NOVA1: variants seen among roughly 807,000 people sequenced by gnomAD.
The protein encoded by NOVA1 is RNA-binding protein Nova-1.
A neutral mutation model predicts 38.0 loss-of-function variants in NOVA1; 7 were observed. The ratio of observed to expected loss-of-function variants is 0.18; its 90% confidence interval spans 0.10 to 0.35. The LOEUF (loss-of-function observed/expected upper bound fraction) is 0.35, where lower values mean the gene tolerates loss of function less well. NOVA1 is among the 10% of genes least tolerant of loss of function. NOVA1 has a pLI of 1.00. For missense variants in NOVA1, 460 were observed against 616.0 expected, an observed-to-expected ratio of 0.75 and a Z score of 2.68; for synonymous variants, 270 against 232.5, an observed-to-expected ratio of 1.16 and a Z score of -1.47.
intron 4 of NOVA1, among the ~76,000 whole-genome samples, chr14:26,462,129 C>T (rs559570661): frequency 1.4e-4 from 22 of 151,944 alleles, no homozygotes; most frequent in Non-Finnish European, 2.8e-4. Flanking sequence ...TAGTCTACAG[C>T]AGTATACAAT....
At chr14:26,539,652 G>C (rs1476336727) in intron 2 of NOVA1, among the ~76,000 whole-genome samples, 1 of 152,014 alleles carries the variant, frequency 6.6e-6, no homozygotes, top group East Asian at 1.9e-4. Context: ...ATTAATCAAA[G>C]CATTCAAAGT....
chr14:26,581,633 T>G (rs1893230218), intron 2 of NOVA1, among the ~76,000 whole-genome samples: 1 of 152,024 alleles, frequency 6.6e-6, no homozygotes, highest in East Asian at 1.9e-4. Flanking sequence ...ATTACTATTT[T>G]CCTTTCAATG....
At chr14:26,533,844 G>A (rs1470093208) in intron 2 of NOVA1, among the ~76,000 whole-genome samples, 3 of 152,126 alleles carry the variant, frequency 2.0e-5, no homozygotes, top group Non-Finnish European at 2.9e-5. Context: ...TCTTGATAGA[G>A]TGGACAACTC....
At chr14:26,559,673 T>C (rs1190212783) in intron 2 of NOVA1, among the ~76,000 whole-genome samples, 1 of 152,158 alleles carries the variant, frequency 6.6e-6, no homozygotes. Flanking sequence ...CACTCATATG[T>C]GAGAGCTACA....
At chr14:26,551,075 T>C (rs549688136) in intron 2 of NOVA1, among the ~76,000 whole-genome samples, 3 of 152,068 alleles carry the variant, frequency 2.0e-5, no homozygotes, top group African/African-American at 7.2e-5. Flanking sequence ...AAAATAAAAA[T>C]ACATGAGTCC....
intron 2 of NOVA1, among the ~76,000 whole-genome samples, chr14:26,536,512 T>TA (rs1890108871): frequency 6.6e-6 from 1 of 151,856 alleles, no homozygotes; most frequent in East Asian, 1.9e-4. Context: ...ATAAAAATGT[T>TA]AAAAAATTAA....
chr14:26,462,370 A>G (rs1000446941), intron 4 of NOVA1, among the ~76,000 whole-genome samples: 14 of 152,168 alleles, frequency 9.2e-5, no homozygotes, highest in Admixed American at 2.6e-4. Flanking sequence ...AAAAAAAGAG[A>G]CAGTGTCATA....
At chr14:26,479,669 T>C (rs998978996) in intron 3 of NOVA1, 14 of 349,334 alleles carry the variant, frequency 4.0e-5, no homozygotes, top group African/African-American at 2.9e-4. Flanking sequence ...AAAAGTGATA[T>C]AATTTTAAAC....
intron 2 of NOVA1, among the ~76,000 whole-genome samples, chr14:26,536,013 A>G (rs900406922): frequency 6.6e-6 from 1 of 152,064 alleles, no homozygotes; most frequent in Non-Finnish European, 1.5e-5. Flanking sequence ...CATATACACA[A>G]TGGAGTATTT....
At chr14:26,496,985 T>C (rs1224262227) in intron 2 of NOVA1, among the ~76,000 whole-genome samples, 6 of 152,220 alleles carry the variant, frequency 3.9e-5, no homozygotes, top group African/African-American at 1.4e-4. Context: ...GGGCTCTTTT[T>C]TGGTTCCAAA....
rs568177587 is a variant in NOVA1, at chr14:26,516,743, C to A, written c.281-36600G>T. Among the ~76,000 whole-genome samples, 4 of 152,260 alleles carry A rather than the reference C, an allele frequency of 2.6e-5. No individual in the cohort carries two copies. In the South Asian group the frequency reaches 8.3e-4, roughly 32 times the overall value. ...TTGGTCTACTTATTTATCCTTGCAG[C>A]AACAGCACACTGTCTCAATGGGACT... On this transcript the variant is annotated intron_variant, in intron 2 of 4. Transcript: ENST00000539517.
intron 2 of NOVA1, among the ~76,000 whole-genome samples, chr14:26,508,457 G>A (rs986196380): frequency 2.6e-5 from 4 of 151,770 alleles, no homozygotes; most frequent in Admixed American, 1.3e-4. Flanking sequence ...TAATTAGGAA[G>A]GCTCTAATTG....
chr14:26,597,055 C>T, intron 1 of NOVA1: 1 of 1,223,884 alleles, frequency 8.2e-7, no homozygotes. Context: ...AGGTCTATTC[C>T]GAAAAACTGG....
chr14:26,531,963 C>T (rs1456831222), intron 2 of NOVA1, among the ~76,000 whole-genome samples: 1 of 152,106 alleles, frequency 6.6e-6, no homozygotes, highest in Non-Finnish European at 1.5e-5. Context: ...CATGAAAACC[C>T]ACTAAGAAAA....
chr14:26,597,265 G>A (rs1213336332), intron 1 of NOVA1, 36 bp downstream of exon 1: 21 of 1,229,860 alleles, frequency 1.7e-5, no homozygotes, highest in Non-Finnish European at 2.0e-5. Flanking sequence ...GGGCGGCGGG[G>A]GATGGGGCCA....
chr14:26,515,398 A>T (rs150286515), intron 2 of NOVA1, among the ~76,000 whole-genome samples: 19 of 152,000 alleles, frequency 1.3e-4, no homozygotes, highest in Non-Finnish European at 1.8e-4. Context: ...CTCAAAGTTG[A>T]TAACAATTGC....
intron 4 of NOVA1, among the ~76,000 whole-genome samples, chr14:26,463,375 A>C (rs1037428952): frequency 6.6e-6 from 1 of 152,182 alleles, no homozygotes; most frequent in Non-Finnish European, 1.5e-5. Flanking sequence ...TGTATTATAC[A>C]CAAACATAAA....
chr14:26,595,770 C>A (rs1470370079), intron 1 of NOVA1: 5 of 479,156 alleles, frequency 1.0e-5, no homozygotes, highest in Non-Finnish European at 1.5e-5. Context: ...TACTTTCAAG[C>A]TTGGAATTAA....
chr14:26,505,566 A>G (rs993244145), intron 2 of NOVA1, among the ~76,000 whole-genome samples: 3 of 152,174 alleles, frequency 2.0e-5, no homozygotes, highest in African/African-American at 7.2e-5. Flanking sequence ...TGTTTATAGC[A>G]GTGTGAAAAT....
Sources: allele counts gnomAD v4.1 joint callset (sites outside exome capture counted in the v4.1 genomes callset), GRCh38; gene constraint gnomAD v4.1.1; transcripts MANE v1.5; gene names NCBI Gene and HGNC (gene_info 2026-07-23, HGNC 2026-07-21).